Variants in OSBPL3 observed in about 807,000 individuals in gnomAD.
OSBPL3 encodes the protein oxysterol-binding protein-related protein 3.
In OSBPL3, 65 loss-of-function variants were observed where a neutral mutation model predicts 120.1. That is an observed-to-expected ratio of 0.54 (90% CI 0.44 to 0.67). The LOEUF (loss-of-function observed/expected upper bound fraction) is 0.67, where lower values mean the gene tolerates loss of function less well. Ranked by LOEUF, OSBPL3 falls within the 30% of genes least tolerant of loss-of-function variation. The pLI is 0.00. For synonymous variants in OSBPL3, 416 were observed against 402.6 expected (o/e 1.03, Z -0.40); for missense variants, 1,004 against 1,082.1 (o/e 0.93, Z 1.01).
chr7:24,828,632 A>G (rs3901115), intron 16 of OSBPL3, among the ~76,000 whole-genome samples: 172 of 148,464 alleles, frequency 1.2e-3, no homozygotes, highest in African/African-American at 4.1e-3. Context: ...GAAAAAAAAA[A>G]AAAAGGCATC....
intron 2 of OSBPL3, among the ~76,000 whole-genome samples, chr7:24,878,728 G>GA (rs1335764978): frequency 6.6e-6 from 1 of 152,204 alleles, no homozygotes; most frequent in Non-Finnish European, 1.5e-5. Flanking sequence ...TTTAAGAAAA[G>GA]AAAAAATTAG....
At chr7:24,903,242 C>T (rs1449495123) in intron 1 of OSBPL3, among the ~76,000 whole-genome samples, 1 of 152,162 alleles carries the variant, frequency 6.6e-6, no homozygotes, top group Admixed American at 6.5e-5. Context: ...CCACAGACAT[C>T]CTTAGAACAA....
rs1382444912 is a variant in OSBPL3 at position 24,939,725 on chromosome 7, A to C, written c.-150+40161T>G. 6.6e-6 allele frequency among the ~76,000 whole-genome samples: 1 copy of C among 152,186 alleles called. No homozygotes were observed. Among genetic ancestry groups the C allele is most frequent in the African/African-American group, 2.4e-5 (1 of 41,434 alleles). Reference sequence around the variant, plus strand: ...AACAGTATCAAACATTAACAGGCCAAAATGTCATCAAGAGGCCTTGGGAGA... The same window carrying C: ...AACAGTATCAAACATTAACAGGCCACAATGTCATCAAGAGGCCTTGGGAGA... On this transcript the variant is annotated intron_variant, in intron 1 of 22. Coordinates refer to ENST00000313367, the MANE Select transcript of OSBPL3 (RefSeq NM_015550.4). This position sits in a 1 kb window ranked among gnomAD's most constrained non-coding sequence, Gnocchi z 4.2.
In OSBPL3 at chr7:24,892,400, A is replaced by G; in HGVS notation, c.73T>C (p.Ser25Pro). 1 of 1,613,618 alleles carries G rather than the reference A, an allele frequency of 6.2e-7. No homozygotes were observed. Among genetic ancestry groups the G allele is most frequent in the East Asian group, 2.2e-5 (1 of 44,874 alleles). ...VSPSRSTSSC[S>P]SKQGSRQDSW... ...ACCTGTCGACTTCCTTGCTTGGAAG[A>G]GCAGCTACTTGTGCTCCTTGAAGGT... The change falls in exon 2 of 23, where the codon TCT becomes CCT. Residue 25 changes from serine (S) to proline (P), a missense_variant. Coordinates refer to ENST00000313367, the MANE Select transcript of OSBPL3 (RefSeq NM_015550.4).
Position 24,966,726 on chromosome 7 carries a change from C to A in OSBPL3, c.-150+13160G>T, listed in dbSNP as rs1467938131. Reference sequence around the variant, plus strand: ...AAAACCTAATTAGGGTGGAGTTTTACACTATGTTTGTGTATATGTATGTTT... The same window carrying A: ...AAAACCTAATTAGGGTGGAGTTTTAAACTATGTTTGTGTATATGTATGTTT... On this transcript the variant is annotated intron_variant, in intron 1 of 22. Coordinates refer to ENST00000313367, the MANE Select transcript of OSBPL3 (RefSeq NM_015550.4). This position sits in a 1 kb window ranked among gnomAD's most constrained non-coding sequence, Gnocchi z 4.8. Among the ~76,000 whole-genome samples the A allele has an allele frequency of 6.6e-6, 1 of 152,154 alleles. No homozygotes were observed. The highest frequency in any genetic ancestry group is 2.4e-5 in the African/African-American group (1 of 41,434).
At chr7:24,954,683 G>A (rs186065861) in intron 1 of OSBPL3, among the ~76,000 whole-genome samples, 3 of 152,222 alleles carry the variant, frequency 2.0e-5, no homozygotes, top group East Asian at 1.9e-4. Context: ...CCAACAGTAC[G>A]TTGAAAAGAA....
rs1267440946 is a variant in OSBPL3 at position 24,800,027 on chromosome 7, G to A, written c.*156C>T. 3.5e-5 allele frequency: 15 copies of A among 428,698 alleles called. No individual in the cohort carries two copies. The highest frequency in any genetic ancestry group is 2.1e-5 in the Non-Finnish European group (5 of 237,290). The allele number at this position is 428,698 out of a possible 1,614,324, so 26.6% of individuals were successfully genotyped here. ...GTAACATTTGAAATTGTAAAGAAAC[G>A]CACTGAGGAAAATATAGACTTAAAG... On this transcript the variant is annotated 3_prime_UTR_variant, in exon 23 of 23. Transcript: ENST00000313367.
chr7:24,820,253 G>A lies in OSBPL3; in HGVS notation c.1885-15C>T. The A allele has an allele frequency of 6.2e-7, 1 of 1,603,892 alleles. No individual in the cohort carries two copies. Among genetic ancestry groups the A allele is most frequent in the Non-Finnish European group, 8.5e-7 (1 of 1,172,830 alleles). ...TGGTGGCTGACCTGATGGAAACAAA[G>A]GACAGAAAAACAAAAAATGAATGAA... On this transcript the variant is annotated splice_polypyrimidine_tract_variant and intron_variant, in intron 16 of 22. Coordinates refer to ENST00000313367, the MANE Select transcript of OSBPL3 (RefSeq NM_015550.4). The surrounding 1 kb of genome is among the most constrained non-coding windows in gnomAD (Gnocchi z 4.6).
Position 24,797,794 on chromosome 7 carries a change from C to A in OSBPL3, c.*2389G>T, listed in dbSNP as rs1011153499. The A allele has an allele frequency of 6.6e-6, 1 of 151,986 alleles. No homozygotes were observed. Among genetic ancestry groups the A allele is most frequent in the Middle Eastern group, 3.2e-3 (1 of 316 alleles). The allele number at this position is 151,986 out of a possible 1,614,324, so 9.4% of individuals were successfully genotyped here. On this transcript the variant is annotated 3_prime_UTR_variant, in exon 23 of 23. Transcript: ENST00000313367. This position sits in a 1 kb window ranked among gnomAD's most constrained non-coding sequence, Gnocchi z 4.8. ...TGGTACAGTGATTAGCATTATTTAA[C>A]CAGGAGATTTAAAGTCCAGAAAATT... is the stretch of plus-strand genomic sequence containing the variant.
chr7:24,974,566 C>T (rs1817371310), intron 1 of OSBPL3, among the ~76,000 whole-genome samples: 1 of 152,182 alleles, frequency 6.6e-6, no homozygotes, highest in South Asian at 2.1e-4. Flanking sequence ...ATTAGGGTCA[C>T]ATTAGAATCA....
chr7:24,882,030 T>C (rs1451243654), intron 2 of OSBPL3, among the ~76,000 whole-genome samples: 2 of 152,216 alleles, frequency 1.3e-5, no homozygotes, highest in African/African-American at 4.8e-5. Flanking sequence ...AATCCTTAAA[T>C]TAATTACATC....
intron 1 of OSBPL3, among the ~76,000 whole-genome samples, chr7:24,979,000 G>A (rs1817888303): frequency 6.6e-6 from 1 of 152,170 alleles, no homozygotes; most frequent in African/African-American, 2.4e-5. Flanking sequence ...GCCCATCAGC[G>A]ACTCCAGAGG....
intron 10 of OSBPL3, among the ~76,000 whole-genome samples, chr7:24,856,233 A>G (rs929463619): frequency 2.0e-5 from 3 of 152,156 alleles, no homozygotes; most frequent in Admixed American, 2.0e-4. Flanking sequence ...GTAAGAAGTC[A>G]TAAGTTGCAT....
In OSBPL3 at chr7:24,900,008, T is replaced by C. The variant is rs1454930402; in HGVS notation, c.-149-7387A>G. ...CCAAGCCAATCCTTCTATTTGTGTA[T>C]GTGTGACGTGGCAGAGGGTAGGAAG... On this transcript the variant is annotated intron_variant, in intron 1 of 22. Coordinates refer to ENST00000313367, the MANE Select transcript of OSBPL3 (RefSeq NM_015550.4). This position sits in a 1 kb window ranked among gnomAD's most constrained non-coding sequence, Gnocchi z 4.5. Among the ~76,000 whole-genome samples the C allele has an allele frequency of 1.3e-5, 2 of 152,352 alleles. No homozygotes were observed. Among genetic ancestry groups the C allele is most frequent in the African/African-American group, 2.4e-5 (1 of 41,580 alleles).
At chr7:24,980,613 A>G (rs1395558878), upstream of OSBPL3, among the ~76,000 whole-genome samples, 1 of 152,108 alleles carries the variant, frequency 6.6e-6, no homozygotes, top group Non-Finnish European at 1.5e-5. Context: ...GCGGTCGCAC[A>G]GGCTAGGAGA....
rs974236557 is a variant in OSBPL3, at chr7:24,802,972, A to G, written c.2567+1343T>C. 2.6e-5 allele frequency among the ~76,000 whole-genome samples: 4 copies of G among 152,202 alleles called. No individual in the cohort carries two copies. The highest frequency in any genetic ancestry group is 9.7e-5 in the African/African-American group (4 of 41,446). Reference sequence around the variant, plus strand: ...TGAAATTTTGGCCAGTTGATTTTCCATCACTAATATCTTGAATTTGTGGAA... The same window carrying G: ...TGAAATTTTGGCCAGTTGATTTTCCGTCACTAATATCTTGAATTTGTGGAA... On this transcript the variant is annotated intron_variant, in intron 22 of 22. Coordinates refer to ENST00000313367, the MANE Select transcript of OSBPL3 (RefSeq NM_015550.4). The surrounding 1 kb of genome is among the most constrained non-coding windows in gnomAD (Gnocchi z 4.1).
chr7:24,962,623 G>A (rs1815920004), intron 1 of OSBPL3, among the ~76,000 whole-genome samples: 1 of 152,154 alleles, frequency 6.6e-6, no homozygotes. Context: ...ATATTTGCTA[G>A]GCATATAGGA....
intron 1 of OSBPL3, among the ~76,000 whole-genome samples, chr7:24,914,337 G>A (rs1322692583): frequency 2.0e-5 from 3 of 151,826 alleles, no homozygotes; most frequent in Non-Finnish European, 4.4e-5. Flanking sequence ...AGAACTTGAT[G>A]CTGTCCAATA....
intron 1 of OSBPL3, among the ~76,000 whole-genome samples, chr7:24,914,034 T>C (rs553147731): frequency 5.9e-5 from 9 of 152,266 alleles, no homozygotes; most frequent in Non-Finnish European, 1.2e-4. Flanking sequence ...TCTTTTAATA[T>C]TGCAGTGCAA....
Sources: gnomAD v4.1 joint callset for allele counts (sites outside exome capture counted in the v4.1 genomes callset) on GRCh38, gnomAD v4.1.1 for gene constraint, Gnocchi (gnomAD v3.1) non-coding constraint, MANE v1.5 for transcripts, NCBI Gene and HGNC (gene_info 2026-07-23, HGNC 2026-07-21) for gene names.